MYO1D: variants seen among roughly 807,000 people sequenced by gnomAD.
MYO1D encodes unconventional myosin-Id.
MYO1D carries 83 observed loss-of-function variants against 122.0 expected under a neutral mutation model. The ratio of observed to expected loss-of-function variants is 0.68; its 90% CI spans 0.57 to 0.82. MYO1D has a LOEUF of 0.82. Among genes scored for constraint, MYO1D ranks in the 40% least tolerant of loss-of-function variants. The pLI, the probability that MYO1D is intolerant of heterozygous loss-of-function variation, is 0.00. For synonymous variants in MYO1D, 464 were observed against 446.9 expected (o/e 1.04, Z -0.48); for missense variants, 1,157 against 1,269.5 (o/e 0.91, Z 1.35).
intron 19 of MYO1D, among the ~76,000 whole-genome samples, chr17:32,642,933 T>C (rs2088225726): frequency 1.3e-5 from 2 of 152,212 alleles, no homozygotes; most frequent in South Asian, 4.1e-4. Flanking sequence ...TCCTGCCTGA[T>C]TGCCCTGGCC....
At chr17:32,517,639 C>G (rs1909940399) in intron 21 of MYO1D, among the ~76,000 whole-genome samples, 1 of 152,108 alleles carries the variant, frequency 6.6e-6, no homozygotes, top group Admixed American at 6.5e-5. Context: ...CGCTTTAAAC[C>G]GTTTAAGCAT....
At chr17:32,541,671 G>C (rs574050101) in intron 21 of MYO1D, among the ~76,000 whole-genome samples, 1 of 152,130 alleles carries the variant, frequency 6.6e-6, no homozygotes, top group Non-Finnish European at 1.5e-5. Context: ...GAATGTGCAG[G>C]TGGATTAAAG....
At chr17:32,788,799 T>C (rs2090323691) in intron 1 of MYO1D, among the ~76,000 whole-genome samples, 1 of 152,100 alleles carries the variant, frequency 6.6e-6, no homozygotes, top group Admixed American at 6.6e-5. Flanking sequence ...ATGATAATGG[T>C]ATTTTGATAG....
At position 32,755,682 on chromosome 17, in the gene MYO1D, G is replaced by C. The variant is rs774033037; in HGVS notation, c.1297-20C>G. 4 of 1,605,508 alleles carry C rather than the reference G, an allele frequency of 2.5e-6. No individual in the cohort carries two copies. The highest frequency in any genetic ancestry group is 3.4e-6 in the Non-Finnish European group (4 of 1,174,308). ...GTCAATCTGTAGGACACAGCAAGGAGGGAATTCTGAAGAGAACAGTGACCA... is the reference window on the plus strand; with the variant it reads ...GTCAATCTGTAGGACACAGCAAGGACGGAATTCTGAAGAGAACAGTGACCA... On this transcript the variant is annotated intron_variant, in intron 10 of 21. Coordinates refer to ENST00000318217, the MANE Select transcript of MYO1D (RefSeq NM_015194.3).
chr17:32,729,934 C>T (rs970908147), intron 14 of MYO1D, among the ~76,000 whole-genome samples: 2 of 152,156 alleles, frequency 1.3e-5, no homozygotes, highest in Non-Finnish European at 2.9e-5. Context: ...TTACGGGTGT[C>T]ACTAATAAAT....
chr17:32,850,720 G>C (rs2090978416), intron 1 of MYO1D, among the ~76,000 whole-genome samples: 1 of 151,996 alleles, frequency 6.6e-6, no homozygotes, highest in Non-Finnish European at 1.5e-5. Context: ...GTTTGTTTGA[G>C]ATACACCATA....
At chr17:32,815,662 T>C (rs2090607161) in intron 1 of MYO1D, among the ~76,000 whole-genome samples, 1 of 152,184 alleles carries the variant, frequency 6.6e-6, no homozygotes, top group Non-Finnish European at 1.5e-5. Context: ...ATGCTGGCTC[T>C]GAATTCCCTT....
chr17:32,712,822 T>G (rs1216102301), intron 15 of MYO1D, among the ~76,000 whole-genome samples: 1 of 152,268 alleles, frequency 6.6e-6, no homozygotes, highest in East Asian at 1.9e-4. Flanking sequence ...GCGGCTTGCT[T>G]CATGAGTGTG....
chr17:32,578,160 C>T (rs1319430256), intron 21 of MYO1D, among the ~76,000 whole-genome samples: 1 of 152,220 alleles, frequency 6.6e-6, no homozygotes, highest in Non-Finnish European at 1.5e-5. Context: ...TTTGAAACCT[C>T]ATATACATAA....
chr17:32,562,681 C>A (rs1020959078), intron 21 of MYO1D, among the ~76,000 whole-genome samples: 2 of 152,146 alleles, frequency 1.3e-5, no homozygotes, highest in African/African-American at 4.8e-5. Context: ...CGAGGTTCTG[C>A]TATGTTGCCC....
chr17:32,537,363 G>A (rs1423649434), intron 21 of MYO1D, among the ~76,000 whole-genome samples: 2 of 152,106 alleles, frequency 1.3e-5, no homozygotes, highest in South Asian at 2.1e-4. Context: ...CATATTGTCC[G>A]TGGCTGCTTT....
At chr17:32,742,014 CAAA>C (rs55636240) in intron 13 of MYO1D, among the ~76,000 whole-genome samples, 3 of 106,214 alleles carry the variant, frequency 2.8e-5, no homozygotes, top group African/African-American at 3.7e-5. Context: ...GACTCCGTCT[CAAA>C]AAAAAAAAAA....
intron 15 of MYO1D, among the ~76,000 whole-genome samples, chr17:32,712,914 T>A (rs549546623): frequency 2.6e-5 from 4 of 152,220 alleles, no homozygotes; most frequent in African/African-American, 9.6e-5. Context: ...TTTTGCCATA[T>A]TCTACTTTGT....
intron 12 of MYO1D, among the ~76,000 whole-genome samples, chr17:32,746,850 G>T (rs968787408): frequency 2.6e-5 from 4 of 152,170 alleles, no homozygotes; most frequent in Admixed American, 2.0e-4. Flanking sequence ...CTGTAAATTT[G>T]CTATGTGGCA....
chr17:32,580,933 T>C (rs1238913222), intron 21 of MYO1D, among the ~76,000 whole-genome samples: 3 of 152,200 alleles, frequency 2.0e-5, no homozygotes, highest in Non-Finnish European at 4.4e-5. Flanking sequence ...ATTATCTTTG[T>C]CTGGTTTGGT....
intron 21 of MYO1D, among the ~76,000 whole-genome samples, chr17:32,548,271 T>C (rs1474695186): frequency 2.0e-5 from 3 of 151,422 alleles, no homozygotes; most frequent in Non-Finnish European, 2.9e-5. Flanking sequence ...CTACAAAAAA[T>C]ACAAAAAATT....
chr17:32,748,869 TC>T (rs1275104765), intron 12 of MYO1D, 66 bp downstream of exon 12: 1 of 1,380,500 alleles, frequency 7.2e-7, no homozygotes, highest in Non-Finnish European at 1.0e-6. Flanking sequence ...TTTACATTTT[TC>T]CTGGTTGTAT....
intron 16 of MYO1D, among the ~76,000 whole-genome samples, chr17:32,664,881 T>C (rs2088616038): frequency 6.6e-6 from 1 of 152,186 alleles, no homozygotes; most frequent in African/African-American, 2.4e-5. Flanking sequence ...CAGTGGCTAT[T>C]TCCCTGAGCA....
intron 1 of MYO1D, among the ~76,000 whole-genome samples, chr17:32,827,686 GAA>G (rs1348522304): frequency 6.6e-6 from 1 of 151,758 alleles, no homozygotes; most frequent in African/African-American, 2.4e-5. Context: ...CCCCAAAAAG[GAA>G]AGAGTAGAAA....
Sources: gnomAD v4.1 joint callset for allele counts (sites outside exome capture counted in the v4.1 genomes callset) on GRCh38, gnomAD v4.1.1 for gene constraint, MANE v1.5 for transcripts, NCBI Gene and HGNC (gene_info 2026-07-23, HGNC 2026-07-21) for gene names.